SMAD4: variants seen among roughly 807,000 people sequenced by gnomAD.
The protein encoded by SMAD4 is MAD homolog 4.
Under a neutral mutation model 63.2 loss-of-function variants are expected in SMAD4, and 7 were observed. That is an observed-to-expected ratio of 0.11 (90% CI 0.06 to 0.21). The LOEUF is 0.21. SMAD4 is among the 10% of genes least tolerant of loss of function. SMAD4 has a pLI of 1.00. For synonymous variants in SMAD4, 215 were observed against 235.4 expected (o/e 0.91, Z 0.79); for missense variants, 312 against 693.8 (o/e 0.45, Z 6.18).
At chr18:51,071,265 T>TAC (rs141566325) in intron 10 of SMAD4, among the ~76,000 whole-genome samples, 241 of 150,736 alleles carry the variant, frequency 1.6e-3, no homozygotes, top group Non-Finnish European at 3.0e-3. Flanking sequence ...TGCATGCACA[T>TAC]ACACACACAC....
intron 1 of SMAD4, among the ~76,000 whole-genome samples, chr18:51,040,564 CTG>C (rs113248537): frequency 0.019 from 2,909 of 152,284 alleles, 95 homozygotes; most frequent in African/African-American, 0.063. Flanking sequence ...AAACTAACAT[CTG>C]AGAAAAAATG....
intron 5 of SMAD4, among the ~76,000 whole-genome samples, chr18:51,057,082 T>C (rs541042026): frequency 1.6e-4 from 25 of 152,334 alleles, no homozygotes; most frequent in African/African-American, 5.3e-4. Flanking sequence ...ATATTCTCTT[T>C]AGCTTTTGGT....
Position 51,079,808 on chromosome 18 carries a change from A to G in SMAD4, c.*1341A>G, listed in dbSNP as rs1910564434. 1 of 224,900 alleles carries G rather than the reference A, an allele frequency of 4.4e-6. No individual in the cohort carries two copies. The highest frequency in any genetic ancestry group is 8.8e-6 in the Non-Finnish European group (1 of 113,476). The allele number at this position is 224,900 out of a possible 1,614,324, so 13.9% of individuals were successfully genotyped here. A position where few individuals can be genotyped will look rare whatever the true frequency, so the allele number is the denominator to read the frequency against. On this transcript the variant is annotated 3_prime_UTR_variant, in exon 12 of 12. Coordinates refer to ENST00000342988, the MANE Select transcript of SMAD4 (RefSeq NM_005359.6). ...TTGAATTCTAGGTTTGATTTTTAAG[A>G]TTTTTTTTTTCTTTTGCACTTTTGA...
At chr18:51,074,252 G>C (rs1310305117) in intron 10 of SMAD4, among the ~76,000 whole-genome samples, 1 of 151,106 alleles carries the variant, frequency 6.6e-6, no homozygotes, top group Non-Finnish European at 1.5e-5. Context: ...ATGGTGGCAT[G>C]TGCCTGTAGT....
chr18:51,070,613 C>T (rs527999875), intron 10 of SMAD4, among the ~76,000 whole-genome samples: 1 of 152,302 alleles, frequency 6.6e-6, no homozygotes, highest in East Asian at 1.9e-4. Context: ...CCATGGTCAA[C>T]CACAGTCCAA....
chr18:51,032,516 A>G (rs1034275039), intron 1 of SMAD4, among the ~76,000 whole-genome samples: 1 of 152,218 alleles, frequency 6.6e-6, no homozygotes, highest in Non-Finnish European at 1.5e-5. Flanking sequence ...TCTTACTTTT[A>G]AAAACCTCTG....
intron 9 of SMAD4, chr18:51,066,806 T>C: frequency 1.9e-6 from 1 of 531,226 alleles, no homozygotes; most frequent in Admixed American, 3.1e-5. Context: ...TACATGCTCC[T>C]GACACATAGT....
intron 1 of SMAD4, among the ~76,000 whole-genome samples, chr18:51,039,511 C>T (rs983612606): frequency 1.9e-4 from 26 of 135,810 alleles, no homozygotes; most frequent in East Asian, 1.9e-3. Context: ...CCCCACCCCC[C>T]GTAGTTCCAT....
rs2144490823 is a variant in SMAD4 at position 51,084,336 on chromosome 18, AATACC to A, written c.*5871_*5875del. 1 of 225,580 alleles carries A rather than the reference AATACC, an allele frequency of 4.4e-6. No homozygotes were observed. The highest frequency in any genetic ancestry group is 8.8e-6 in the Non-Finnish European group (1 of 113,552). The allele number at this position is 225,580 out of a possible 1,614,324, so 14.0% of individuals were successfully genotyped here. A position where few individuals can be genotyped will look rare whatever the true frequency, so the allele number is the denominator to read the frequency against. On this transcript the variant is annotated 3_prime_UTR_variant, in exon 12 of 12. Transcript: ENST00000342988. ...ACTGGTTTATATGACTCAAGAAAAC[AATACC>A]AGTAGATGATTATTAACTTTATTCT...
At chr18:51,068,750 T>C (rs1420028141) in intron 10 of SMAD4, among the ~76,000 whole-genome samples, 1 of 148,678 alleles carries the variant, frequency 6.7e-6, no homozygotes, top group Non-Finnish European at 1.5e-5. Flanking sequence ...GATACCCCCA[T>C]CTCTACAAAA....
At chr18:51,049,004 G>A (rs1568203536) in intron 3 of SMAD4, 144 bp downstream of exon 3, 4 of 748,964 alleles carry the variant, frequency 5.3e-6, no homozygotes, top group Admixed American at 2.5e-5. Context: ...TTTAATATAC[G>A]TATTTAAATT....
chr18:51,048,388 G>A (rs536516846), intron 2 of SMAD4, among the ~76,000 whole-genome samples: 246 of 152,174 alleles, frequency 1.6e-3, no homozygotes, highest in Non-Finnish European at 2.9e-3. Flanking sequence ...GAACTCCTGG[G>A]CTCAAGCGAT....
intron 1 of SMAD4, among the ~76,000 whole-genome samples, chr18:51,045,945 T>C (rs1369082875): frequency 2.6e-5 from 4 of 152,212 alleles, no homozygotes; most frequent in African/African-American, 9.6e-5. Flanking sequence ...GGCTTATCCA[T>C]GTTATAATTT....
chr18:51,048,217 T>C (rs1909603566), intron 2 of SMAD4, among the ~76,000 whole-genome samples: 1 of 152,216 alleles, frequency 6.6e-6, no homozygotes, highest in African/African-American at 2.4e-5. Flanking sequence ...AGTGCAGTGG[T>C]GCAAAACATG....
intron 10 of SMAD4, among the ~76,000 whole-genome samples, chr18:51,074,715 T>C (rs1233467058): frequency 6.6e-6 from 1 of 152,234 alleles, no homozygotes; most frequent in Non-Finnish European, 1.5e-5. Flanking sequence ...CTATTTACCT[T>C]TTCAAATGTT....
At chr18:51,060,799 A>C (rs1909990148) in intron 8 of SMAD4, among the ~76,000 whole-genome samples, 1 of 152,006 alleles carries the variant, frequency 6.6e-6, no homozygotes. Flanking sequence ...ATGCCTGGCT[A>C]ATGTTTGTAT....
chr18:51,063,841 A>G (rs1170866570), intron 8 of SMAD4, among the ~76,000 whole-genome samples: 2 of 152,238 alleles, frequency 1.3e-5, no homozygotes, highest in Non-Finnish European at 2.9e-5. Context: ...TATCTTTGTG[A>G]CAAGTTCATT....
At chr18:51,041,153 A>G (rs1275403633) in intron 1 of SMAD4, among the ~76,000 whole-genome samples, 1 of 151,894 alleles carries the variant, frequency 6.6e-6, no homozygotes, top group Non-Finnish European at 1.5e-5. Context: ...TCCTTTTCCA[A>G]AGCTGTTCTC....
intron 8 of SMAD4, among the ~76,000 whole-genome samples, chr18:51,063,219 TA>T (rs529647434): frequency 1.6e-4 from 24 of 152,224 alleles, no homozygotes; most frequent in Admixed American, 5.9e-4. Flanking sequence ...ACTGATTGTG[TA>T]AAGACCACTT....
Sources: allele counts gnomAD v4.1 joint callset (sites outside exome capture counted in the v4.1 genomes callset), GRCh38; gene constraint gnomAD v4.1.1; transcripts MANE v1.5; gene names NCBI Gene and HGNC (gene_info 2026-07-23, HGNC 2026-07-21).